The following BBX variants were observed in gnomAD, a reference collection of about 807,000 sequenced individuals.
The protein encoded by BBX is HMG box transcription factor BBX.
In BBX, 30 loss-of-function variants were observed where a neutral mutation model predicts 100.2. The observed-to-expected ratio is 0.30, with a 90% CI of 0.22 to 0.41. BBX has a LOEUF of 0.41. Ranked by LOEUF, BBX falls within the 10% of genes least tolerant of loss-of-function variation. The pLI is 1.00. For synonymous variants in BBX, 376 were observed against 388.1 expected (o/e 0.97, Z 0.37); for missense variants, 1,023 against 1,129.8 (o/e 0.91, Z 1.35).
chr3:107,673,546 A>G (rs2059129375), intron 3 of BBX, among the ~76,000 whole-genome samples: 1 of 152,112 alleles, frequency 6.6e-6, no homozygotes, highest in Non-Finnish European at 1.5e-5. Context: ...CCCCAGAAAA[A>G]TTCAGAGCAT....
chr3:107,744,802 C>T, intron 8 of BBX, 92 bp downstream of exon 8: 1 of 999,010 alleles, frequency 1.0e-6, no homozygotes, highest in Non-Finnish European at 1.6e-6. Context: ...CAATGAAGAA[C>T]TCTACTCAGC....
chr3:107,673,913 C>T (rs1466927391), intron 3 of BBX, among the ~76,000 whole-genome samples: 1 of 152,120 alleles, frequency 6.6e-6, no homozygotes, highest in Non-Finnish European at 1.5e-5. Flanking sequence ...ACAAAAGAGG[C>T]ACTGTCCTCG....
intron 2 of BBX, among the ~76,000 whole-genome samples, chr3:107,545,028 ATT>A (rs1031983145): frequency 2.0e-5 from 3 of 150,622 alleles, no homozygotes; most frequent in African/African-American, 7.4e-5. Context: ...AAAAAAAAAA[ATT>A]TTTTAAAAAG....
At chr3:107,627,296 A>C (rs149779252) in intron 2 of BBX, among the ~76,000 whole-genome samples, 4 of 152,322 alleles carry the variant, frequency 2.6e-5, no homozygotes, top group African/African-American at 4.8e-5. Context: ...TACTGGGCAG[A>C]AGAAATCAAT....
intron 3 of BBX, among the ~76,000 whole-genome samples, chr3:107,681,569 C>T (rs1051357682): frequency 1.3e-5 from 2 of 151,982 alleles, no homozygotes; most frequent in Non-Finnish European, 2.9e-5. Context: ...ACAGCCTTGC[C>T]AAGTAAGGAA....
intron 2 of BBX, among the ~76,000 whole-genome samples, chr3:107,613,950 T>TG (rs2055048428): frequency 1.7e-5 from 2 of 116,454 alleles, no homozygotes; most frequent in African/African-American, 4.4e-5. Context: ...GGTTTTTTTT[T>TG]TTTTTTTTTT....
At chr3:107,699,497 A>G (rs1020908527) in intron 3 of BBX, among the ~76,000 whole-genome samples, 1 of 151,942 alleles carries the variant, frequency 6.6e-6, no homozygotes, top group Admixed American at 6.5e-5. Context: ...GACTCCCTTT[A>G]GGAGAAGGAC....
At chr3:107,577,331 C>T (rs979302773) in intron 2 of BBX, among the ~76,000 whole-genome samples, 4 of 152,108 alleles carry the variant, frequency 2.6e-5, no homozygotes, top group African/African-American at 9.7e-5. Context: ...CAATATGATT[C>T]ACCCAGCTAA....
At chr3:107,688,280 G>A (rs1322158576) in intron 3 of BBX, among the ~76,000 whole-genome samples, 2 of 152,170 alleles carry the variant, frequency 1.3e-5, no homozygotes, top group Non-Finnish European at 2.9e-5. Flanking sequence ...TCCCTTGAAA[G>A]TTGCTGAACC....
chr3:107,752,634 T>C (rs2065162621), intron 9 of BBX, among the ~76,000 whole-genome samples: 1 of 152,212 alleles, frequency 6.6e-6, no homozygotes. Context: ...CTTAGCACTT[T>C]AGCTGTACCT....
chr3:107,722,294 G>A (rs1288604774), intron 5 of BBX, among the ~76,000 whole-genome samples: 1 of 151,872 alleles, frequency 6.6e-6, no homozygotes, highest in African/African-American at 2.4e-5. Flanking sequence ...ACTCATTTTG[G>A]TATTTGGTTT....
chr3:107,797,209 A>G (rs1267228869), intron 15 of BBX, among the ~76,000 whole-genome samples: 4 of 151,458 alleles, frequency 2.6e-5, no homozygotes, highest in Non-Finnish European at 4.4e-5. Flanking sequence ...ACCTAAATCC[A>G]TTAAACACCT....
At chr3:107,695,832 A>T (rs1462840609) in intron 3 of BBX, among the ~76,000 whole-genome samples, 1 of 151,620 alleles carries the variant, frequency 6.6e-6, no homozygotes, top group East Asian at 1.9e-4. Context: ...TGGGAGTCTA[A>T]GTCTCTTTGT....
chr3:107,609,062 T>C (rs1394469266), intron 2 of BBX, among the ~76,000 whole-genome samples: 4 of 152,278 alleles, frequency 2.6e-5, no homozygotes, highest in South Asian at 2.1e-4. Flanking sequence ...AAGAAACTTG[T>C]CTGATTGCTC....
rs2071073318 is a variant in BBX at position 107,806,444 on chromosome 3, C to A, written c.*987C>A. On this transcript the variant is annotated 3_prime_UTR_variant, in exon 18 of 18. Coordinates refer to ENST00000325805, the MANE Select transcript of BBX (RefSeq NM_001142568.3). The stretch of plus-strand genomic sequence containing the variant: ...CTTCATGTGGACTTGGAGCTACAGA[C>A]CTTTTACATCCATCACAGATTGGCT... The A allele has an allele frequency of 6.6e-6, 1 of 152,182 alleles. No individual in the cohort carries two copies. The highest frequency in any genetic ancestry group is 6.5e-5 in the Admixed American group (1 of 15,278). 9.4% of individuals were successfully genotyped at this position (152,182 alleles called of 1,614,324 possible).
chr3:107,639,805 T>A (rs1208021124), intron 2 of BBX, among the ~76,000 whole-genome samples: 1 of 152,114 alleles, frequency 6.6e-6, no homozygotes, highest in Non-Finnish European at 1.5e-5. Context: ...TATATTGAAA[T>A]TGGTAGGGTT....
At chr3:107,792,899 A>G (rs1474841291) in intron 15 of BBX, among the ~76,000 whole-genome samples, 3 of 152,156 alleles carry the variant, frequency 2.0e-5, no homozygotes, top group Admixed American at 2.0e-4. Context: ...TAAACACTGA[A>G]AACCCTACAG....
At chr3:107,666,862 A>G (rs1055949138) in intron 3 of BBX, among the ~76,000 whole-genome samples, 2 of 152,126 alleles carry the variant, frequency 1.3e-5, no homozygotes, top group African/African-American at 4.8e-5. Context: ...GAGCCACTGC[A>G]CCCGGCCTAA....
chr3:107,641,144 G>T (rs958585936), intron 2 of BBX, among the ~76,000 whole-genome samples: 66 of 148,874 alleles, frequency 4.4e-4, no homozygotes, highest in African/African-American at 1.6e-3. Flanking sequence ...GAGTGCAATG[G>T]CATTACCTAA....
Sources: gnomAD v4.1 joint callset for allele counts (sites outside exome capture counted in the v4.1 genomes callset) on GRCh38, gnomAD v4.1.1 for gene constraint, MANE v1.5 for transcripts, NCBI Gene and HGNC (gene_info 2026-07-23, HGNC 2026-07-21) for gene names.